FOCAD: variants seen among roughly 807,000 people sequenced by gnomAD.
FOCAD encodes the protein focadhesin.
In FOCAD, 198 loss-of-function variants were observed where a neutral mutation model predicts 225.6. The observed-to-expected ratio is 0.88, with a 90% CI of 0.78 to 0.99. The LOEUF (loss-of-function observed/expected upper bound fraction) is 0.99, where lower values mean the gene tolerates loss of function less well. Ranked by LOEUF, FOCAD falls within the 50% of genes least tolerant of loss-of-function variation. FOCAD has a pLI of 0.00. For missense variants in FOCAD, 2,713 were observed against 2,123.6 expected, an observed-to-expected ratio of 1.28 and a Z score of -5.46; for synonymous variants, 897 against 755.0, an observed-to-expected ratio of 1.19 and a Z score of -3.08.
Position 20,986,299 on chromosome 9 carries a change from A to G in FOCAD, c.4740A>G (p.Glu1580=), listed in dbSNP as rs1167004706. 1.7e-6 allele frequency: 1 copy of G among 579,504 alleles called. No individual in the cohort carries two copies. The highest frequency in any genetic ancestry group is 5.1e-5 in the Admixed American group (1 of 19,792). The allele number at this position is 579,504 out of a possible 1,614,324, so 35.9% of individuals were successfully genotyped here. The change falls in exon 40 of 44, where the codon GAA becomes GAG. Residue 1580 remains glutamate, a synonymous_variant. Coordinates refer to ENST00000338382, the MANE Select transcript of FOCAD (RefSeq NM_001375567.1). The stretch of plus-strand genomic sequence containing the variant: ...TTTTTTTTTTGCAGAGCAACATAGA[A>G]AAAGCTGCCTTTGTCAAACTGTACT... ...RIAQVTKSNI[E]KAAFVKLYLV... is the part of the protein sequence containing the mutation.
At chr9:20,754,119 C>G (rs987550831) in intron 5 of FOCAD, among the ~76,000 whole-genome samples, 1 of 152,008 alleles carries the variant, frequency 6.6e-6, no homozygotes, top group Non-Finnish European at 1.5e-5. Flanking sequence ...TTTACCTTGA[C>G]CTTTCTCAGT....
intron 5 of FOCAD, among the ~76,000 whole-genome samples, chr9:20,748,244 T>TA (rs772100465): frequency 6.6e-5 from 10 of 152,224 alleles, no homozygotes; most frequent in Non-Finnish European, 1.3e-4. Context: ...TATAACAACT[T>TA]ACACTCAGGG....
At chr9:20,987,520 A>G (rs1841298673) in intron 40 of FOCAD, among the ~76,000 whole-genome samples, 5 of 152,118 alleles carry the variant, frequency 3.3e-5, no homozygotes, top group South Asian at 2.1e-4. Flanking sequence ...AAAAAAAAAA[A>G]AAGAAATTTT....
At chr9:20,715,862 G>A (rs539640740) in intron 2 of FOCAD, among the ~76,000 whole-genome samples, 2 of 152,208 alleles carry the variant, frequency 1.3e-5, no homozygotes, top group East Asian at 3.9e-4. Context: ...TATCTACTAA[G>A]ATAGAAGATT....
At chr9:20,799,289 G>C (rs927413283) in intron 11 of FOCAD, among the ~76,000 whole-genome samples, 6 of 152,154 alleles carry the variant, frequency 3.9e-5, no homozygotes, top group African/African-American at 1.4e-4. Flanking sequence ...TTTTGGAATA[G>C]GTGTGGTGTG....
intron 4 of FOCAD, among the ~76,000 whole-genome samples, chr9:20,738,986 A>G (rs1194446518): frequency 6.6e-6 from 1 of 152,192 alleles, no homozygotes; most frequent in East Asian, 1.9e-4. Context: ...CTTACAGGAC[A>G]TCTGAATTTG....
At chr9:20,964,635 A>T (rs1839087586) in intron 35 of FOCAD, among the ~76,000 whole-genome samples, 1 of 151,918 alleles carries the variant, frequency 6.6e-6, no homozygotes, top group Admixed American at 6.6e-5. Context: ...TCCTGGGTTC[A>T]AGCGATTCTC....
intron 1 of FOCAD, among the ~76,000 whole-genome samples, chr9:20,686,594 C>G (rs1053112016): frequency 5.3e-5 from 8 of 152,136 alleles, no homozygotes; most frequent in Admixed American, 5.2e-4. Context: ...AAATCTTGAT[C>G]TTAATCAGTA....
chr9:20,894,650 C>T (rs914381146), intron 21 of FOCAD, among the ~76,000 whole-genome samples: 3 of 151,990 alleles, frequency 2.0e-5, no homozygotes, highest in Non-Finnish European at 4.4e-5. Flanking sequence ...GTGTCTATTT[C>T]TTTGGCCCAT....
chr9:20,924,813 G>A (rs1371184335), intron 25 of FOCAD, among the ~76,000 whole-genome samples: 4 of 152,152 alleles, frequency 2.6e-5, no homozygotes, highest in Admixed American at 2.6e-4. Flanking sequence ...GGTAGTCCAG[G>A]CAACAGGTAC....
chr9:20,939,079 G>T (rs919439623), intron 28 of FOCAD, among the ~76,000 whole-genome samples: 1 of 144,506 alleles, frequency 6.9e-6, no homozygotes, highest in Non-Finnish European at 1.5e-5. Flanking sequence ...GAACCCGGGA[G>T]GCGGAGCTTG....
chr9:20,921,533 A>G (rs569701681), intron 24 of FOCAD, among the ~76,000 whole-genome samples: 6 of 152,338 alleles, frequency 3.9e-5, no homozygotes, highest in African/African-American at 1.2e-4. Context: ...CCTTCTATCC[A>G]TAAGTCATTG....
chr9:20,708,544 A>T (rs941859785), intron 1 of FOCAD, among the ~76,000 whole-genome samples: 1 of 152,022 alleles, frequency 6.6e-6, no homozygotes, highest in Non-Finnish European at 1.5e-5. Flanking sequence ...TGAGGGTGGG[A>T]GGATCACTTG....
chr9:20,818,518 C>G (rs1823975656), intron 11 of FOCAD, among the ~76,000 whole-genome samples: 1 of 151,876 alleles, frequency 6.6e-6, no homozygotes, highest in Non-Finnish European at 1.5e-5. Flanking sequence ...GTTCTAAAAT[C>G]CATTTTGAGT....
chr9:20,844,349 CTTTTTTTTT>C (rs58468376), intron 15 of FOCAD, among the ~76,000 whole-genome samples: 20 of 77,254 alleles, frequency 2.6e-4, no homozygotes, highest in South Asian at 1.2e-3. Context: ...AGGAAATTTC[CTTTTTTTTT>C]TTTTTTTTTT....
intron 35 of FOCAD, among the ~76,000 whole-genome samples, chr9:20,965,467 C>T (rs1839176663): frequency 1.3e-5 from 2 of 152,120 alleles, no homozygotes; most frequent in South Asian, 2.1e-4. Context: ...GTATCAGTTT[C>T]TCTTGTGGTT....
chr9:20,743,850 C>T (rs370413915), intron 5 of FOCAD, among the ~76,000 whole-genome samples: 41 of 152,186 alleles, frequency 2.7e-4, no homozygotes, highest in African/African-American at 9.6e-4. Context: ...CTTCAAGGTC[C>T]CCTTTGAGGT....
At chr9:20,980,972 A>AT (rs1564237897) in intron 37 of FOCAD, among the ~76,000 whole-genome samples, 1 of 151,786 alleles carries the variant, frequency 6.6e-6, no homozygotes, top group African/African-American at 2.4e-5. Flanking sequence ...TTACTTCCTT[A>AT]TTTTTTCTCA....
At chr9:20,658,304 G>A (rs1275633606), upstream of FOCAD, 1,416 of 162,318 alleles carry the variant, frequency 8.7e-3, 7 homozygotes, top group East Asian at 0.065. Flanking sequence ...GGTGGGCTCC[G>A]CCCAGTTCGA....
Sources: allele counts gnomAD v4.1 joint callset (sites outside exome capture counted in the v4.1 genomes callset), GRCh38; gene constraint gnomAD v4.1.1; transcripts MANE v1.5; gene names NCBI Gene and HGNC (gene_info 2026-07-23, HGNC 2026-07-21).